Variants in ASB14 observed in about 807,000 individuals in gnomAD.
ASB14 encodes ankyrin repeat and SOCS box protein 14.
ASB14 carries 63 observed loss-of-function variants against 55.6 expected under a neutral mutation model. That is an observed-to-expected ratio of 1.13 (90% CI 0.92 to 1.40). The LOEUF is 1.40. Among genes scored for constraint, ASB14 ranks in the 40% most tolerant of loss-of-function variants. The pLI is 0.00. For synonymous variants in ASB14, 256 were observed against 259.9 expected (o/e 0.98, Z 0.15); for missense variants, 724 against 710.4 (o/e 1.02, Z -0.22).
At position 57,288,193 on chromosome 3, in the gene ASB14, A is replaced by T. The variant is rs886853495; in HGVS notation, c.272T>A (p.Val91Glu). Residue 91 changes from valine (V) to glutamate (E), a missense_variant, in exon 4 of 11, where the codon GTG becomes GAG. Transcript: ENST00000487349. Reference sequence around the variant, plus strand: ...TTCCAAAATTTTCCTATTTAATTGCACTGCAGCCTTATGCAGAGGAATCCA... The same window carrying T: ...TTCCAAAATTTTCCTATTTAATTGCTCTGCAGCCTTATGCAGAGGAATCCA... ...IGWIPLHKAAVQLNRKILEIT... is the reference protein window; with the variant it reads ...IGWIPLHKAAEQLNRKILEIT... 1 of 1,536,934 alleles carries T rather than the reference A, an allele frequency of 6.5e-7. No homozygotes were observed. The highest frequency in any genetic ancestry group is 1.4e-5 in the African/African-American group (1 of 73,054).
At chr3:57,289,211 G>T in intron 2 of ASB14, 88 bp from the exon 3 acceptor site, 1 of 870,980 alleles carries the variant, frequency 1.1e-6, no homozygotes, top group Non-Finnish European at 1.8e-6. Context: ...GGTAATGGTA[G>T]CAGTAGTTAA....
Position 57,283,374 on chromosome 3 carries a change from G to T in ASB14, c.535C>A (p.Arg179Ser), listed in dbSNP as rs565783168. Residue 179 changes from arginine to serine, a missense_variant, in exon 6 of 11, where the codon CGT (arginine) becomes AGT (serine). Arg to Ser is a moderately radical substitution (Grantham distance 110). Transcript: ENST00000487349. The stretch of plus-strand genomic sequence containing the variant: ...AGAGCTGTCCTCTCGTTGGCACAAC[G>T]CAGATTGACATCTGCTCCATAGTTG... ...LINYGADVNL[R>S]CANERTALHE... The T allele has an allele frequency of 2.6e-6, 4 of 1,551,444 alleles. No homozygotes were observed. In the East Asian group the frequency reaches 9.8e-5, roughly 38 times the overall value.
intron 5 of ASB14, among the ~76,000 whole-genome samples, chr3:57,285,288 A>G (rs760693037): frequency 6.6e-6 from 1 of 152,108 alleles, no homozygotes; most frequent in Admixed American, 6.5e-5. Flanking sequence ...TACAGAACTT[A>G]AAGAGCCAAT....
intron 10 of ASB14, among the ~76,000 whole-genome samples, chr3:57,273,968 C>A (rs1559518972): frequency 6.6e-6 from 1 of 152,056 alleles, no homozygotes; most frequent in Non-Finnish European, 1.5e-5. Context: ...TATAATTTAT[C>A]TGATATAAGT....
chr3:57,281,011 A>T (rs1015624770), intron 6 of ASB14, among the ~76,000 whole-genome samples: 2 of 152,198 alleles, frequency 1.3e-5, no homozygotes, highest in Admixed American at 1.3e-4. Context: ...ATTAGTACAG[A>T]GTATCCCTTA....
intron 10 of ASB14, 42 bp downstream of exon 10, chr3:57,276,482 ATCAT>A: frequency 7.1e-7 from 1 of 1,402,886 alleles, no homozygotes; most frequent in Non-Finnish European, 9.7e-7. Context: ...AAAAATATGA[ATCAT>A]ACATAAGTGA....
At chr3:57,275,264 C>T (rs7650768) in intron 10 of ASB14, among the ~76,000 whole-genome samples, 2,261 of 152,002 alleles carry the variant, frequency 0.015, 59 homozygotes, top group African/African-American at 0.05. Context: ...CCAGCCTGGC[C>T]AACATGATGA....
At chr3:57,286,298 A>AT (rs940311836) in intron 5 of ASB14, among the ~76,000 whole-genome samples, 2 of 142,696 alleles carry the variant, frequency 1.4e-5, no homozygotes, top group African/African-American at 5.2e-5. Flanking sequence ...GCTTTTTATG[A>AT]TTTTTTATTA....
Position 57,278,419 on chromosome 3 carries a change from A to G in ASB14, c.1389T>C (p.Tyr463=), listed in dbSNP as rs1388771969. Reference sequence around the variant, plus strand: ...CTGTAGATGTCCAGCCTTCAACAGTATAGGAAGGATGGACTTTGTCTCCAT... The same window carrying G: ...CTGTAGATGTCCAGCCTTCAACAGTGTAGGAAGGATGGACTTTGTCTCCAT... ...CPHGDKVHPS[Y]TVEGWTSTVI... Residue 463 remains tyrosine, a synonymous_variant, in exon 8 of 11, where the codon TAT becomes TAC. Coordinates refer to ENST00000487349, the MANE Select transcript of ASB14 (RefSeq NM_001142733.3). The G allele has an allele frequency of 8.1e-6, 13 of 1,614,052 alleles. No homozygotes were observed. The highest frequency in any genetic ancestry group is 1.7e-5 in the Admixed American group (1 of 59,996).
intron 6 of ASB14, among the ~76,000 whole-genome samples, chr3:57,282,698 C>G (rs1437465325): frequency 1.3e-5 from 2 of 152,110 alleles, no homozygotes; most frequent in African/African-American, 4.8e-5. Context: ...AGATAGTACC[C>G]AATAAGTTTA....
At chr3:57,281,585 G>C (rs1037126574) in intron 6 of ASB14, among the ~76,000 whole-genome samples, 3 of 152,166 alleles carry the variant, frequency 2.0e-5, no homozygotes, top group African/African-American at 7.2e-5. Context: ...GAATGCCTTA[G>C]AAGTCCAATA....
At chr3:57,282,218 T>C (rs2061045902) in intron 6 of ASB14, among the ~76,000 whole-genome samples, 1 of 152,310 alleles carries the variant, frequency 6.6e-6, no homozygotes, top group Non-Finnish European at 1.5e-5. Flanking sequence ...ATTTAGATAA[T>C]GTCTAAAAAG....
At position 57,281,243 on chromosome 3, in the gene ASB14, C is replaced by T. The variant is rs1197001624; in HGVS notation, c.716-770G>A. ...AGATTTTCAGATTAAGAATGCTTAA[C>T]TTACACCCTGTATGTTAAGTGTTAT... On this transcript the variant is annotated intron_variant, in intron 6 of 10. Transcript: ENST00000487349. Among the ~76,000 whole-genome samples, 5 of 151,814 alleles carry T rather than the reference C, an allele frequency of 3.3e-5. No individual in the cohort carries two copies. In the East Asian group the frequency reaches 7.8e-4, roughly 24 times the overall value.
In ASB14 at chr3:57,278,579, G is replaced by C; in HGVS notation, c.1229C>G (p.Ala410Gly). ...AACTCTGCAGAAGTAATTGACATTG[G>C]CCCCATGCCTTAGCAGCAGACTGAT... The part of the protein sequence containing the change: ...ELISLLLRHG[A>G]NVNYFCRVNP... Residue 410 changes from alanine (A) to glycine (G), a missense_variant, in exon 8 of 11, where the codon GCC becomes GGC. Coordinates refer to ENST00000487349, the MANE Select transcript of ASB14 (RefSeq NM_001142733.3). 6.2e-7 allele frequency: 1 copy of C among 1,614,158 alleles called. No homozygotes were observed.
intron 10 of ASB14, chr3:57,272,110 T>C (rs2060945646): frequency 1.3e-5 from 2 of 152,212 alleles, no homozygotes; most frequent in South Asian, 4.1e-4. Flanking sequence ...TTACACTTAA[T>C]GGTGTTAGAA....
chr3:57,287,866 C>T, intron 5 of ASB14, 35 bp downstream of exon 5: 1 of 1,531,996 alleles, frequency 6.5e-7, no homozygotes. Context: ...AGACTCAGTG[C>T]CACAGACTCT....
chr3:57,280,227 G>GTTC (rs747619095), intron 7 of ASB14, 75 bp downstream of exon 7: 83 of 584,832 alleles, frequency 1.4e-4, no homozygotes, highest in South Asian at 3.9e-4. Flanking sequence ...AGATTATAAA[G>GTTC]TTCCTAGAAG....
intron 10 of ASB14, chr3:57,273,173 T>C (rs1312414142): frequency 6.5e-6 from 1 of 152,696 alleles, no homozygotes; most frequent in Non-Finnish European, 1.5e-5. Context: ...GTAACTAATA[T>C]GCAAAATTGC....
Position 57,269,236 on chromosome 3 carries a change from T to C in ASB14, c.*405A>G. 1 of 202,874 alleles carries C rather than the reference T, an allele frequency of 4.9e-6. No homozygotes were observed. The highest frequency in any genetic ancestry group is 9.9e-6 in the Non-Finnish European group (1 of 101,004). 12.6% of individuals were successfully genotyped at this position (202,874 alleles called of 1,614,324 possible). A position where few individuals can be genotyped will look rare whatever the true frequency, so the allele number is the denominator to read the frequency against. ...GGAAAGGAGTGTGGGGGTGATCCCT[T>C]TCGAGGGTTTTACTATAATATATAG... On this transcript the variant is annotated 3_prime_UTR_variant, in exon 11 of 11. Coordinates refer to ENST00000487349, the MANE Select transcript of ASB14 (RefSeq NM_001142733.3).
Sources: gnomAD v4.1 joint callset for allele counts (sites outside exome capture counted in the v4.1 genomes callset) on GRCh38, gnomAD v4.1.1 for gene constraint, MANE v1.5 for transcripts, NCBI Gene and HGNC (gene_info 2026-07-23, HGNC 2026-07-21) for gene names.